SATB1: variants seen among roughly 807,000 people sequenced by gnomAD.
The protein encoded by SATB1 is DNA-binding protein SATB1.
In SATB1, 11 loss-of-function variants were observed where a neutral mutation model predicts 86.9. The observed-to-expected ratio is 0.13, with a 90% confidence interval of 0.08 to 0.21. SATB1 has a LOEUF of 0.21. Among genes scored for constraint, SATB1 ranks in the 10% least tolerant of loss-of-function variants. The pLI is 1.00. For synonymous variants in SATB1, 357 were observed against 357.2 expected, an observed-to-expected ratio of 1.00 and a Z score of 0.01; for missense variants, 551 against 937.6, an observed-to-expected ratio of 0.59 and a Z score of 5.39.
In SATB1 at chr3:18,394,738, T is replaced by G; in HGVS notation, c.930A>C (p.Thr310=). The G allele has an allele frequency of 6.2e-7, 1 of 1,613,950 alleles. No individual in the cohort carries two copies. The change falls in exon 7 of 11, where the codon ACA becomes ACC. Residue 310 remains threonine (T), a synonymous_variant. Coordinates refer to ENST00000338745, the MANE Select transcript of SATB1 (RefSeq NM_002971.6). This position sits in a 1 kb window ranked among gnomAD's most constrained non-coding sequence, Gnocchi z 5.9. The stretch of plus-strand genomic sequence containing the variant: ...GGTTGACCAATTGAGGACTGATAGG[T>G]GTTGATACGAGCCCAGGGTGCAGGT... ...LPNLHPGLVS[T]PISPQLVNQQ...
At position 18,416,150 on chromosome 3, in the gene SATB1, G is replaced by A; in HGVS notation, c.389-17C>T. On this transcript the variant is annotated splice_polypyrimidine_tract_variant and intron_variant, in intron 3 of 10. Coordinates refer to ENST00000338745, the MANE Select transcript of SATB1 (RefSeq NM_002971.6). ...GGATTAGCCCTATTTCAGATAAAGA[G>A]AATATGTCACTAAATATTTTACCCT... 6.3e-7 allele frequency: 1 copy of A among 1,579,356 alleles called. No homozygotes were observed. The highest frequency in any genetic ancestry group is 8.6e-7 in the Non-Finnish European group (1 of 1,159,436).
intron 7 of SATB1, among the ~76,000 whole-genome samples, chr3:18,388,085 G>A (rs1383741559): frequency 2.6e-5 from 4 of 152,104 alleles, no homozygotes; most frequent in Non-Finnish European, 5.9e-5. Flanking sequence ...CCTGGAAATT[G>A]GACCTGAACT....
intron 5 of SATB1, among the ~76,000 whole-genome samples, chr3:18,412,065 G>C (rs952274953): frequency 5.9e-5 from 9 of 151,800 alleles, no homozygotes; most frequent in African/African-American, 2.2e-4. Context: ...TCCGCCTCCT[G>C]GGTTCAAGCA....
intron 6 of SATB1, among the ~76,000 whole-genome samples, chr3:18,395,659 T>A (rs1696929077): frequency 6.6e-6 from 1 of 152,158 alleles, no homozygotes; most frequent in Non-Finnish European, 1.5e-5. Context: ...GATCCAAATG[T>A]TTTTTCTTCA....
intron 7 of SATB1, among the ~76,000 whole-genome samples, chr3:18,392,045 C>A (rs1696702711): frequency 6.6e-6 from 1 of 152,042 alleles, no homozygotes; most frequent in Non-Finnish European, 1.5e-5. Flanking sequence ...TGAAGAGTAT[C>A]AATTATCAAT....
upstream of SATB1, among the ~76,000 whole-genome samples, chr3:18,441,462 T>C (rs1446073245): frequency 1.3e-5 from 2 of 152,170 alleles, no homozygotes; most frequent in African/African-American, 4.8e-5. Flanking sequence ...TGTCTAGAAA[T>C]AGTCTGAAGA....
chr3:18,376,131 G>C (rs1399307885), intron 9 of SATB1, among the ~76,000 whole-genome samples: 1 of 152,060 alleles, frequency 6.6e-6, no homozygotes, highest in Non-Finnish European at 1.5e-5. Context: ...GACATTATTA[G>C]CCAGTTGCTG....
intron 7 of SATB1, among the ~76,000 whole-genome samples, chr3:18,393,908 T>G (rs188166582): frequency 6.0e-4 from 91 of 152,334 alleles, no homozygotes; most frequent in African/African-American, 2.1e-3. Flanking sequence ...AAATATTTTA[T>G]GTTAATAAGT....
chr3:18,399,432 A>C (rs1697136806), intron 5 of SATB1, among the ~76,000 whole-genome samples: 1 of 152,196 alleles, frequency 6.6e-6, no homozygotes, highest in South Asian at 2.1e-4. Flanking sequence ...GATTTGGTAT[A>C]TCAACAGTGG....
At chr3:18,380,563 T>TA (rs1374179747) in intron 8 of SATB1, among the ~76,000 whole-genome samples, 5 of 152,090 alleles carry the variant, frequency 3.3e-5, no homozygotes, top group East Asian at 1.9e-4. Context: ...TATTTTTTTT[T>TA]AAAAAAAGAA....
rs1699332297 is a variant in SATB1 at position 18,444,628 on chromosome 3, G to A, written c.-25+890C>T. ...TCACTCAGGCATGGACGTTGGGGGCGGCGGTGGCTGTCGAGTGCGGGCCTG... is the reference window on the plus strand; with the variant it reads ...TCACTCAGGCATGGACGTTGGGGGCAGCGGTGGCTGTCGAGTGCGGGCCTG... On this transcript the variant is annotated intron_variant, in intron 1 of 3. Coordinates refer to the SATB1 transcript ENST00000415069. The surrounding 1 kb of genome is among the most constrained non-coding windows in gnomAD (Gnocchi z 5.1). 1 of 985,512 alleles carries A rather than the reference G, an allele frequency of 1.0e-6. No individual in the cohort carries two copies. The highest frequency in any genetic ancestry group is 1.7e-5 in the African/African-American group (1 of 57,320). 61.0% of individuals were successfully genotyped at this position (985,512 alleles called of 1,614,324 possible).
chr3:18,391,981 CA>C (rs561685430), intron 7 of SATB1, among the ~76,000 whole-genome samples: 2 of 152,128 alleles, frequency 1.3e-5, no homozygotes, highest in South Asian at 4.1e-4. Context: ...AATATATATA[CA>C]AATTTCCTCT....
At chr3:18,365,928 G>GACAGTAAC (rs1695162680) in intron 9 of SATB1, among the ~76,000 whole-genome samples, 1 of 152,174 alleles carries the variant, frequency 6.6e-6, no homozygotes, top group African/African-American at 2.4e-5. Flanking sequence ...AGGTAATTTA[G>GACAGTAAC]ACAGTAACAG....
chr3:18,357,003 T>C (rs1476868596), intron 9 of SATB1, among the ~76,000 whole-genome samples: 1 of 151,834 alleles, frequency 6.6e-6, no homozygotes. Context: ...TATGTACATA[T>C]ACATTTTAAA....
At position 18,423,640 on chromosome 3, in the gene SATB1, G is replaced by A. The variant is rs1013233961; in HGVS notation, c.-38C>T. On this transcript the variant is annotated 5_prime_UTR_variant, in exon 1 of 11. The change creates a premature stop within an existing upstream ORF in the 5' untranslated region. Transcript: ENST00000338745. ...CCTGAAACTCACCACTTCAAAACTTGACAGCACATAAATAACAAAAACAAA... is the reference window on the plus strand; with the variant it reads ...CCTGAAACTCACCACTTCAAAACTTAACAGCACATAAATAACAAAAACAAA... The A allele has an allele frequency of 6.6e-6, 1 of 151,462 alleles. No individual in the cohort carries two copies. The highest frequency in any genetic ancestry group is 6.6e-5 in the Admixed American group (1 of 15,234). 9.4% of individuals were successfully genotyped at this position (151,462 alleles called of 1,614,324 possible).
intron 1 of SATB1, among the ~76,000 whole-genome samples, chr3:18,422,700 C>T (rs1698451264): frequency 1.3e-5 from 2 of 152,068 alleles, no homozygotes; most frequent in South Asian, 4.2e-4. Context: ...AATTGGTTGC[C>T]TCATCCTAGA....
chr3:18,370,839 G>GTCACA, intron 9 of SATB1, among the ~76,000 whole-genome samples: 1 of 152,354 alleles, frequency 6.6e-6, no homozygotes, highest in Non-Finnish European at 1.5e-5. Flanking sequence ...GCCAAGCGCT[G>GTCACA]TCACAGATGG....
At chr3:18,427,520 G>A (rs777090406), upstream of SATB1, among the ~76,000 whole-genome samples, 58 of 152,168 alleles carry the variant, frequency 3.8e-4, no homozygotes, top group African/African-American at 1.0e-3. Context: ...CAAAGATCAC[G>A]GGAAATATCA....
intron 9 of SATB1, among the ~76,000 whole-genome samples, chr3:18,374,853 G>A (rs756761241): frequency 6.6e-6 from 1 of 152,078 alleles, no homozygotes; most frequent in Non-Finnish European, 1.5e-5. Flanking sequence ...ATTATGAAAC[G>A]TTACCATTTG....
Sources: gnomAD v4.1 joint callset for allele counts (sites outside exome capture counted in the v4.1 genomes callset) on GRCh38, gnomAD v4.1.1 for gene constraint, Gnocchi (gnomAD v3.1) non-coding constraint, MANE v1.5 for transcripts, NCBI Gene and HGNC (gene_info 2026-07-23, HGNC 2026-07-21) for gene names.